Variants in NPAS4 observed in about 807,000 individuals in gnomAD.
NPAS4 encodes neuronal PAS domain protein 4, also known as neuronal PAS domain-containing protein 4.
In NPAS4, 10 loss-of-function variants were observed where a neutral mutation model predicts 64.0. The observed-to-expected ratio is 0.16, with a 90% CI of 0.10 to 0.26. NPAS4 has a LOEUF of 0.26. NPAS4 is among the 10% of genes least tolerant of loss of function. NPAS4 has a pLI of 1.00. For missense variants in NPAS4, 886 were observed against 992.6 expected (o/e 0.89, Z 1.44); for synonymous variants, 441 against 411.7 (o/e 1.07, Z -0.86).
In NPAS4 at chr11:66,424,116, A is replaced by C; in HGVS notation, c.1226A>C (p.Glu409Ala). Reference protein sequence around the residue: ...FSYLTFPSGPEPSLQAELSKD... With the variant: ...FSYLTFPSGPAPSLQAELSKD... Reference sequence around the variant, plus strand: ...TACCTGACATTCCCTTCTGGGCCTGAGCCTTCTCTCCAAGCAGAACTAAGC... The same window carrying C: ...TACCTGACATTCCCTTCTGGGCCTGCGCCTTCTCTCCAAGCAGAACTAAGC... Residue 409 changes from glutamate (E) to alanine (A), a missense_variant, in exon 7 of 8, where the codon GAG (glutamate) becomes GCG (alanine). By Grantham distance (107) the Glu-to-Ala change is moderately radical (BLOSUM62 -1). Transcript: ENST00000311034. 6.2e-7 allele frequency: 1 copy of C among 1,613,950 alleles called. No individual in the cohort carries two copies. The highest frequency in any genetic ancestry group is 1.1e-5 in the South Asian group (1 of 91,070).
chr11:66,423,056 G>T (rs746219397), intron 4 of NPAS4, 67 bp from the exon 5 acceptor site: 5 of 1,489,210 alleles, frequency 3.4e-6, no homozygotes, highest in Non-Finnish European at 4.6e-6. Flanking sequence ...GATCTGGGAG[G>T]GAGTGAGATG....
At chr11:66,422,639 C>A (rs1313307038) in intron 3 of NPAS4, 35 bp from the exon 4 acceptor site, 2 of 1,611,558 alleles carry the variant, frequency 1.2e-6, no homozygotes, top group East Asian at 2.2e-5. Context: ...CTCAGCCACT[C>A]ACCCTCTTAT....
In NPAS4 at chr11:66,422,801, C is replaced by G; in HGVS notation, c.558C>G (p.Pro186=). ...HPPGAYWAGN[P]VFTAFCAPLE... ...CTGGAGCCTACTGGGCAGGAAATCC[C>G]GTGTTCACAGCTTTCTGTGCCCCTC... Residue 186 remains proline (P), a synonymous_variant, in exon 4 of 8, where the codon CCC becomes CCG. Transcript: ENST00000311034. 1 of 1,614,202 alleles carries G rather than the reference C, an allele frequency of 6.2e-7. No homozygotes were observed. Among genetic ancestry groups the G allele is most frequent in the Non-Finnish European group, 8.5e-7 (1 of 1,180,048 alleles).
intron 1 of NPAS4, among the ~76,000 whole-genome samples, chr11:66,421,888 A>T (rs983439865): frequency 4.6e-5 from 7 of 152,244 alleles, no homozygotes; most frequent in African/African-American, 1.7e-4. Context: ...CGGTTCTGAA[A>T]TTAAGAGCCG....
the NPAS4 span, chr11:66,409,228 C>T: frequency 2.1e-5 from 3 of 145,288 alleles, no homozygotes; most frequent in Admixed American, 6.7e-5. Flanking sequence ...GCGAGCCCCG[C>T]GCCGGGCCGG....
In NPAS4 at chr11:66,422,451, G is replaced by A. The variant is rs780026330; in HGVS notation, c.328G>A (p.Val110Met). 2 of 1,611,638 alleles carry A rather than the reference G, an allele frequency of 1.2e-6. No individual in the cohort carries two copies. Among genetic ancestry groups the A allele is most frequent in the Non-Finnish European group, 1.7e-6 (2 of 1,177,788 alleles). The part of the protein sequence containing the change: ...SVSEHLGHSM[V>M]DLVAQGDSIY... ...TCATCTCTTCTTTTCCTCCCTCCAG[G>A]TGGACCTGGTTGCCCAGGGTGACAG... Residue 110 changes from valine to methionine, a missense_variant and splice_region_variant, in exon 3 of 8, where the codon GTG (valine) becomes ATG (methionine). By Grantham distance (21) the Val-to-Met change is conservative (BLOSUM62 1). Transcript: ENST00000311034.
chr11:66,414,407 T>C, the NPAS4 span, among the ~76,000 whole-genome samples: 2 of 152,144 alleles, frequency 1.3e-5, no homozygotes, highest in South Asian at 4.1e-4. Context: ...AGCCCTGCCT[T>C]CAGGACATTG....
the NPAS4 span, among the ~76,000 whole-genome samples, chr11:66,413,919 T>C: frequency 6.6e-6 from 1 of 152,140 alleles, no homozygotes; most frequent in Non-Finnish European, 1.5e-5. Context: ...CAGCTGTCTG[T>C]GGGCACCATC....
rs2134644374 is a variant in NPAS4 at position 66,423,242 on chromosome 11, C to T, written c.808+10C>T. 6.4e-7 allele frequency: 1 copy of T among 1,563,100 alleles called. No homozygotes were observed. Among genetic ancestry groups the T allele is most frequent in the African/African-American group, 1.3e-5 (1 of 74,120 alleles). Reference sequence around the variant, plus strand: ...CAACACTACCGCCTGTGTGAGTGTCCAGAGAGGCTGGGGACAAGATAGCAA... The same window carrying T: ...CAACACTACCGCCTGTGTGAGTGTCTAGAGAGGCTGGGGACAAGATAGCAA... On this transcript the variant is annotated intron_variant, in intron 5 of 7. Coordinates refer to ENST00000311034, the MANE Select transcript of NPAS4 (RefSeq NM_178864.4).
At chr11:66,411,304 T>C in the NPAS4 span, among the ~76,000 whole-genome samples, 4 of 152,176 alleles carry the variant, frequency 2.6e-5, no homozygotes, top group South Asian at 8.3e-4. Flanking sequence ...GGAGGGCCCT[T>C]TGAGGCTAAG....
At chr11:66,414,019 C>G in the NPAS4 span, among the ~76,000 whole-genome samples, 2 of 152,198 alleles carry the variant, frequency 1.3e-5, no homozygotes, top group East Asian at 3.9e-4. Context: ...TGTGCCAGGC[C>G]TTGTGCTGGA....
At chr11:66,421,986 G>T in intron 1 of NPAS4, 134 bp from the exon 2 acceptor site, 2 of 730,360 alleles carry the variant, frequency 2.7e-6, no homozygotes, top group East Asian at 5.4e-5. Context: ...TGCGGGCAGC[G>T]GGTCAACAGG....
chr11:66,412,344 G>A, the NPAS4 span, among the ~76,000 whole-genome samples: 1 of 152,306 alleles, frequency 6.6e-6, no homozygotes, highest in Admixed American at 6.5e-5. Context: ...CCGAGCCAGA[G>A]CCCTGAGGGG....
the NPAS4 span, among the ~76,000 whole-genome samples, chr11:66,415,667 G>A: frequency 6.6e-6 from 1 of 152,234 alleles, no homozygotes; most frequent in Non-Finnish European, 1.5e-5. Flanking sequence ...GCAGTCCATA[G>A]TTTGTAAACC....
upstream of NPAS4, among the ~76,000 whole-genome samples, chr11:66,420,690 T>G (rs575737598): frequency 6.6e-6 from 1 of 152,320 alleles, no homozygotes; most frequent in South Asian, 2.1e-4. Flanking sequence ...CAGGCCGCCC[T>G]AAACCTGGCC....
the NPAS4 span, among the ~76,000 whole-genome samples, chr11:66,412,672 C>T: frequency 2.0e-5 from 3 of 152,228 alleles, no homozygotes; most frequent in Admixed American, 1.3e-4. Context: ...ACATCAGTCC[C>T]TTGATAGGGG....
At position 66,421,215 on chromosome 11, in the gene NPAS4, C is replaced by T. The variant is rs752675783; in HGVS notation, c.36C>T (p.Arg12=). The part of the protein sequence containing the change: ...YRSTKGASKA[R]RDQINAEIRN... ...CCACCAAGGGCGCCTCCAAGGCGCGCCGGGACCAGATCAACGCCGAGATCC... is the reference window on the plus strand; with the variant it reads ...CCACCAAGGGCGCCTCCAAGGCGCGTCGGGACCAGATCAACGCCGAGATCC... Residue 12 remains arginine, a synonymous_variant, in exon 1 of 8, where the codon CGC becomes CGT. Coordinates refer to ENST00000311034, the MANE Select transcript of NPAS4 (RefSeq NM_178864.4). The T allele has an allele frequency of 2.5e-6, 4 of 1,613,036 alleles. No homozygotes were observed. Among genetic ancestry groups the T allele is most frequent in the Non-Finnish European group, 2.5e-6 (3 of 1,179,574 alleles).
At chr11:66,421,733 A>C (rs935645697) in intron 1 of NPAS4, among the ~76,000 whole-genome samples, 2 of 152,182 alleles carry the variant, frequency 1.3e-5, no homozygotes. Context: ...GCTGAAAGGG[A>C]TCTCCTGTCG....
chr11:66,422,321 G>A (rs1202262433), intron 2 of NPAS4, 50 bp downstream of exon 2: 31 of 1,585,936 alleles, frequency 2.0e-5, no homozygotes, highest in African/African-American at 4.0e-5. Flanking sequence ...AGTGGGTGCC[G>A]TGAGCCTTCC....
Sources: gnomAD v4.1 joint callset for allele counts (sites outside exome capture counted in the v4.1 genomes callset) on GRCh38, gnomAD v4.1.1 for gene constraint, MANE v1.5 for transcripts, NCBI Gene and HGNC (gene_info 2026-07-23, HGNC 2026-07-21) for gene names.